The following LAMP1 variants were observed in gnomAD, a reference collection of about 807,000 sequenced individuals.
LAMP1 encodes the protein lysosome associated membrane protein 1.
LAMP1 carries 7 observed loss-of-function variants against 37.5 expected under a neutral mutation model. That is an observed-to-expected ratio of 0.19 (90% CI 0.11 to 0.35). LAMP1 has a LOEUF of 0.35. Ranked by LOEUF, LAMP1 falls within the 10% of genes least tolerant of loss-of-function variation. The pLI, the probability that LAMP1 is intolerant of heterozygous loss-of-function variation, is 1.00. For missense variants in LAMP1, 537 were observed against 552.8 expected (o/e 0.97, Z 0.29); for synonymous variants, 236 against 229.1 (o/e 1.03, Z -0.27).
Position 113,319,565 on chromosome 13 carries a change from A to G in LAMP1, c.659A>G (p.Asp220Gly). Reference protein sequence around the residue: ...PSPVPKSPSVDKYNVSGTNGT... With the variant: ...PSPVPKSPSVGKYNVSGTNGT... The stretch of plus-strand genomic sequence containing the variant: ...CCCGTGCCCAAGAGCCCCTCTGTGG[A>G]CAAGTACAACGTGAGCGGCACCAAC... The change falls in exon 5 of 9, where the codon GAC (aspartate) becomes GGC (glycine). Residue 220 changes from aspartate to glycine, a missense_variant. Asp to Gly is a moderately conservative substitution (Grantham distance 94, BLOSUM62 -1). Transcript: ENST00000332556. 1 of 1,613,976 alleles carries G rather than the reference A, an allele frequency of 6.2e-7. No individual in the cohort carries two copies. The highest frequency in any genetic ancestry group is 8.5e-7 in the Non-Finnish European group (1 of 1,180,016).
Position 113,297,369 on chromosome 13 carries a change from G to C in LAMP1, c.-66G>C, listed in dbSNP as rs2042547795. 6.0e-6 allele frequency: 2 copies of C among 330,650 alleles called. No individual in the cohort carries two copies. Among genetic ancestry groups the C allele is most frequent in the Admixed American group, 5.4e-5 (1 of 18,464 alleles). 20.5% of individuals were successfully genotyped at this position (330,650 alleles called of 1,614,324 possible). A position where few individuals can be genotyped will look rare whatever the true frequency, so the allele number is the denominator to read the frequency against. On this transcript the variant is annotated 5_prime_UTR_variant, in exon 1 of 9. Coordinates refer to ENST00000332556, the MANE Select transcript of LAMP1 (RefSeq NM_005561.4). This position sits in a 1 kb window ranked among gnomAD's most constrained non-coding sequence, Gnocchi z 4.4. The stretch of plus-strand genomic sequence containing the variant: ...CCCGCGCCCCGCCACCGCAGCGCCC[G>C]GCAGTCCGCGGCCCAACCGCCGCCC...
chr13:113,308,634 T>C (rs2042613259), intron 2 of LAMP1, among the ~76,000 whole-genome samples: 1 of 152,194 alleles, frequency 6.6e-6, no homozygotes, highest in African/African-American at 2.4e-5. Context: ...CTCCAAGCAC[T>C]TTTTATTTAA....
intron 3 of LAMP1, 91 bp downstream of exon 3, chr13:113,309,953 G>A: frequency 9.7e-7 from 1 of 1,030,314 alleles, no homozygotes; most frequent in Non-Finnish European, 1.5e-6. Context: ...TACAGGCTGG[G>A]TGTGGTGGCT....
intron 4 of LAMP1, among the ~76,000 whole-genome samples, chr13:113,314,121 C>A (rs2042646892): frequency 8.5e-6 from 1 of 118,142 alleles, no homozygotes; most frequent in South Asian, 2.8e-4. Context: ...TGGGGCGTGG[C>A]CTCCCGGAGG....
At chr13:113,299,853 C>T (rs1301726862) in intron 1 of LAMP1, among the ~76,000 whole-genome samples, 7 of 151,992 alleles carry the variant, frequency 4.6e-5, no homozygotes, top group Non-Finnish European at 7.4e-5. Context: ...CATGAGCCAC[C>T]GTGCCTAGCC....
At chr13:113,298,044 G>T (rs2042552058) in intron 1 of LAMP1, among the ~76,000 whole-genome samples, 1 of 152,186 alleles carries the variant, frequency 6.6e-6, no homozygotes, top group South Asian at 2.1e-4. Flanking sequence ...AGATGCGAGT[G>T]TATTTATGTT....
Position 113,319,766 on chromosome 13 carries a change from A to T in LAMP1, c.750+110A>T. ...CTGCACGTCATGCTGTTAAGTCAGG[A>T]TGGGAGCTTAGCTTGCAGGACGTGA... On this transcript the variant is annotated intron_variant, in intron 5 of 8. Transcript: ENST00000332556. 6 of 1,063,568 alleles carry T rather than the reference A, an allele frequency of 5.6e-6. No homozygotes were observed. In the South Asian group the frequency reaches 7.8e-5, roughly 14 times the overall value. 65.9% of individuals were successfully genotyped at this position (1,063,568 alleles called of 1,614,324 possible).
At chr13:113,312,917 T>C (rs760345167) in intron 4 of LAMP1, among the ~76,000 whole-genome samples, 2 of 152,042 alleles carry the variant, frequency 1.3e-5, no homozygotes, top group Non-Finnish European at 2.9e-5. Flanking sequence ...GTGTTCACGG[T>C]TATCGATTTC....
chr13:113,311,662 A>G (rs576795650), intron 4 of LAMP1, among the ~76,000 whole-genome samples: 2 of 152,236 alleles, frequency 1.3e-5, no homozygotes, highest in South Asian at 4.1e-4. Context: ...GGGGTCAGGC[A>G]GGGTCCAGGC....
intron 1 of LAMP1, among the ~76,000 whole-genome samples, chr13:113,301,047 C>T (rs1005184993): frequency 3.9e-5 from 6 of 152,148 alleles, no homozygotes; most frequent in Non-Finnish European, 8.8e-5. Context: ...AACATCTGTT[C>T]GGCTGCACTG....
intron 2 of LAMP1, among the ~76,000 whole-genome samples, chr13:113,307,283 G>A (rs903861971): frequency 3.3e-5 from 5 of 151,226 alleles, no homozygotes; most frequent in African/African-American, 1.2e-4. Context: ...TTAGCCTCCT[G>A]AGTAGCTGGG....
Position 113,297,469 on chromosome 13 carries a change from T to G in LAMP1, c.35T>G (p.Leu12Arg), listed in dbSNP as rs961719428. Residue 12 changes from leucine (L) to arginine (R), a missense_variant, in exon 1 of 9, where the codon CTG (leucine) becomes CGG (arginine). Transcript: ENST00000332556. This position sits in a 1 kb window ranked among gnomAD's most constrained non-coding sequence, Gnocchi z 4.4. ...CCCGGCAGCGCCCGGCGACCCCTGC[T>G]GCTGCTACTGCTGTTGCTGCTGCTC... ...AAPGSARRPLLLLLLLLLLGL... is the reference protein window; with the variant it reads ...AAPGSARRPLRLLLLLLLLGL... 2.4e-6 allele frequency: 3 copies of G among 1,230,898 alleles called. No homozygotes were observed. Among genetic ancestry groups the G allele is most frequent in the Non-Finnish European group, 3.1e-6 (3 of 980,332 alleles). The allele number at this position is 1,230,898 out of a possible 1,614,324, so 76.2% of individuals were successfully genotyped here.
chr13:113,304,195 G>C (rs1477322883), intron 1 of LAMP1, among the ~76,000 whole-genome samples: 4 of 152,194 alleles, frequency 2.6e-5, no homozygotes, highest in African/African-American at 9.7e-5. Flanking sequence ...AGTGTTTGAG[G>C]AAACTTATAA....
At position 113,297,357 on chromosome 13, in the gene LAMP1, A is replaced by C. The variant is rs903209060; in HGVS notation, c.-78A>C. On this transcript the variant is annotated 5_prime_UTR_variant, in exon 1 of 9. Transcript: ENST00000332556. The surrounding 1 kb of genome is among the most constrained non-coding windows in gnomAD (Gnocchi z 4.4). The stretch of plus-strand genomic sequence containing the variant: ...CAGCCCTTGGCGCCCGCGCCCCGCC[A>C]CCGCAGCGCCCGGCAGTCCGCGGCC... 5 of 272,232 alleles carry C rather than the reference A, an allele frequency of 1.8e-5. No homozygotes were observed. The highest frequency in any genetic ancestry group is 1.7e-4 in the Admixed American group (3 of 17,330). 16.9% of individuals were successfully genotyped at this position (272,232 alleles called of 1,614,324 possible).
intron 2 of LAMP1, 32 bp downstream of exon 2, chr13:113,306,638 TTG>T: frequency 6.3e-7 from 1 of 1,592,270 alleles, no homozygotes; most frequent in Non-Finnish European, 8.6e-7. Context: ...CATGCTTCCC[TTG>T]TGTGTGTGGA....
chr13:113,302,402 C>T (rs2042579305), intron 1 of LAMP1, among the ~76,000 whole-genome samples: 1 of 151,896 alleles, frequency 6.6e-6, no homozygotes, highest in Non-Finnish European at 1.5e-5. Flanking sequence ...GCTAGCTAGG[C>T]TAGTCTCAAA....
At position 113,317,142 on chromosome 13, in the gene LAMP1, T is replaced by A. The variant is rs75990332; in HGVS notation, c.563-2327T>A. 6.7e-3 allele frequency among the ~76,000 whole-genome samples: 1,013 copies of A among 152,252 alleles called. 8 individuals are homozygous for A. The highest frequency in any genetic ancestry group is 0.023 in the African/African-American group (967 of 41,554). On this transcript the variant is annotated intron_variant, in intron 4 of 8. Coordinates refer to ENST00000332556, the MANE Select transcript of LAMP1 (RefSeq NM_005561.4). ...GAGGAGGAGGGGCCTTCAGAGCACA[T>A]GAGCTTTGGAAAGGCCCGGCTGTGT...
chr13:113,315,929 C>T (rs1345208315), intron 4 of LAMP1, among the ~76,000 whole-genome samples: 4 of 151,978 alleles, frequency 2.6e-5, no homozygotes, highest in Admixed American at 6.5e-5. Flanking sequence ...ATGGCGAAAA[C>T]CCGTCTCTAC....
At position 113,321,467 on chromosome 13, in the gene LAMP1, A is replaced by AGAGGTGAGAACCCACAATC; in HGVS notation, c.941_943+16dup. On this transcript the variant is annotated frameshift_variant, in exon 7 of 9. Coordinates refer to ENST00000332556, the MANE Select transcript of LAMP1 (RefSeq NM_005561.4). LOFTEE classifies it high-confidence loss of function. This position sits in a 1 kb window ranked among gnomAD's most constrained non-coding sequence, Gnocchi z 5.6. ...GTTGAATACAATTCTTCCTGACGCCAGAGGTGAGAACCCACAATCTCTGCG... is the reference window on the plus strand; with the variant it reads ...GTTGAATACAATTCTTCCTGACGCCAGAGGTGAGAACCCACAATCGAGGTGAGAACCCACAATCTCTGCG... 1 of 1,614,126 alleles carries AGAGGTGAGAACCCACAATC rather than the reference A, an allele frequency of 6.2e-7. No individual in the cohort carries two copies.
Sources: gnomAD v4.1 joint callset for allele counts (sites outside exome capture counted in the v4.1 genomes callset) on GRCh38, gnomAD v4.1.1 for gene constraint, Gnocchi (gnomAD v3.1) non-coding constraint, MANE v1.5 for transcripts, NCBI Gene and HGNC (gene_info 2026-07-23, HGNC 2026-07-21) for gene names.